The following CFH variants were observed in gnomAD, a reference collection of about 807,000 sequenced individuals.
CFH encodes H factor 1 (complement).
A neutral mutation model predicts 147.3 loss-of-function variants in CFH; 53 were observed. The ratio of observed to expected loss-of-function variants is 0.36; its 90% CI spans 0.29 to 0.45. The LOEUF (loss-of-function observed/expected upper bound fraction) is 0.45. Ranked by LOEUF, CFH falls within the 20% of genes least tolerant of loss-of-function variation. CFH has a pLI of 1.00. For missense variants in CFH, 1,380 were observed against 1,498.0 expected, an observed-to-expected ratio of 0.92 and a Z score of 1.30; for synonymous variants, 536 against 489.4, an observed-to-expected ratio of 1.10 and a Z score of -1.26.
chr1:196,676,170 A>AT, intron 4 of CFH, 105 bp downstream of exon 4: 2 of 695,226 alleles, frequency 2.9e-6, no homozygotes, highest in African/African-American at 1.8e-5. Context: ...TTTTTATTTA[A>AT]TGTTTTTTTT....
chr1:196,659,192 CGTTTGTT>C (rs1666824108), intron 1 of CFH, among the ~76,000 whole-genome samples: 1 of 152,140 alleles, frequency 6.6e-6, no homozygotes, highest in South Asian at 2.1e-4. Flanking sequence ...CCAAAATAAC[CGTTTGTT>C]GTCTACTTGA....
intron 5 of CFH, chr1:196,678,425 A>T (rs2149081288): frequency 6.6e-6 from 1 of 152,014 alleles, no homozygotes; most frequent in African/African-American, 2.4e-5. Flanking sequence ...GTTTGGCAGA[A>T]GTTTCTGGCA....
In CFH at chr1:196,679,697, C is replaced by A. The variant is rs755790570; in HGVS notation, c.694C>A (p.Arg232=). ...SQKIIYKENE[R]FQYKCNMGYE... is the part of the protein sequence containing the mutation. Reference sequence around the variant, plus strand: ...GAAGATTATTTATAAGGAGAATGAACGATTTCAATATAAATGTAACATGGG... The same window carrying A: ...GAAGATTATTTATAAGGAGAATGAAAGATTTCAATATAAATGTAACATGGG... Residue 232 remains arginine, a synonymous_variant, in exon 6 of 22, where the codon CGA becomes AGA. Coordinates refer to ENST00000367429, the MANE Select transcript of CFH (RefSeq NM_000186.4). 1.2e-6 allele frequency: 2 copies of A among 1,609,274 alleles called. No individual in the cohort carries two copies. Among genetic ancestry groups the A allele is most frequent in the East Asian group, 2.2e-5 (1 of 44,732 alleles).
chr1:196,660,235 G>C (rs1187918881), intron 1 of CFH, among the ~76,000 whole-genome samples: 2 of 152,044 alleles, frequency 1.3e-5, no homozygotes, highest in Non-Finnish European at 2.9e-5. Flanking sequence ...AAGGATCTAA[G>C]GAAAAAATAA....
chr1:196,700,609 G>A (rs148169147), intron 9 of CFH, among the ~76,000 whole-genome samples: 38 of 148,434 alleles, frequency 2.6e-4, no homozygotes, highest in African/African-American at 9.3e-4. Flanking sequence ...AGCCAAGATC[G>A]TGCCACTGCA....
chr1:196,673,815 T>C (rs1232240772), intron 2 of CFH, 42 bp from the exon 3 acceptor site: 11 of 1,186,004 alleles, frequency 9.3e-6, no homozygotes, highest in Non-Finnish European at 1.4e-5. Context: ...AATATATTCC[T>C]TGCTATTACA....
intron 5 of CFH, chr1:196,678,230 G>T (rs780370969): frequency 2.0e-4 from 31 of 154,900 alleles, no homozygotes; most frequent in Non-Finnish European, 3.9e-4. Flanking sequence ...GAATTGAACA[G>T]AATCCACTAA....
Position 196,695,746 on chromosome 1 carries a change from G to A in CFH, c.1336+5507G>A, listed in dbSNP as rs192053864. 2.1e-3 allele frequency among the ~76,000 whole-genome samples: 322 copies of A among 152,082 alleles called. 4 individuals carry two copies. Among genetic ancestry groups the A allele is most frequent in the African/African-American group, 7.2e-3 (298 of 41,510 alleles). ...CATCCCTTGTAAGTTGTATTTCTAC[G>A]TATTTTATTTTCTTTGTGGCAATTG... On this transcript the variant is annotated intron_variant, in intron 9 of 21. Coordinates refer to ENST00000367429, the MANE Select transcript of CFH (RefSeq NM_000186.4).
intron 14 of CFH, among the ~76,000 whole-genome samples, 180 bp downstream of exon 14, chr1:196,727,120 A>G (rs1201015105): frequency 1.3e-5 from 2 of 152,180 alleles, no homozygotes; most frequent in Non-Finnish European, 2.9e-5. Flanking sequence ...GAAAAAATAA[A>G]GCTAGTAATA....
In CFH at chr1:196,742,012, T is replaced by C. The variant is rs1558185005; in HGVS notation, c.3094T>C (p.Cys1032Arg). The part of the protein sequence containing the change: ...YKMDGASNVT[C>R]INSRWTGRPT... ...AATGGATGGAGCCAGTAATGTAACA[T>C]GCATTAATAGCAGATGGACAGGAAG... The change falls in exon 19 of 22, where the codon TGC (cysteine) becomes CGC (arginine). Residue 1032 changes from cysteine (C) to arginine (R), a missense_variant. Transcript: ENST00000367429. 1 of 1,614,188 alleles carries C rather than the reference T, an allele frequency of 6.2e-7. No homozygotes were observed. Among genetic ancestry groups the C allele is most frequent in the Non-Finnish European group, 8.5e-7 (1 of 1,180,030 alleles).
chr1:196,714,668 TAGAGAGAGAG>T (rs1205328020), intron 10 of CFH, among the ~76,000 whole-genome samples: 81 of 21,252 alleles, frequency 3.8e-3, no homozygotes, highest in Non-Finnish European at 4.0e-3. Context: ...TATATATATA[TAGAGAGAGAG>T]AGAGAGAGAG....
intron 17 of CFH, among the ~76,000 whole-genome samples, chr1:196,740,198 A>C (rs1298318107): frequency 6.6e-6 from 1 of 152,070 alleles, no homozygotes; most frequent in Non-Finnish European, 1.5e-5. Context: ...ACACAGCTAA[A>C]CCTGTTCTGC....
chr1:196,747,362 A>T lies in CFH; in HGVS notation c.*49A>T, dbSNP rs766666504. On this transcript the variant is annotated 3_prime_UTR_variant, in exon 22 of 22. Transcript: ENST00000367429. Reference sequence around the variant, plus strand: ...TTATTCAGAACTTTAGTATTAAATCAGTTCTCAATTTCATTTTTTATGTAT... The same window carrying T: ...TTATTCAGAACTTTAGTATTAAATCTGTTCTCAATTTCATTTTTTATGTAT... 1 of 1,611,388 alleles carries T rather than the reference A, an allele frequency of 6.2e-7. No individual in the cohort carries two copies. The highest frequency in any genetic ancestry group is 1.7e-5 in the Admixed American group (1 of 59,992).
At chr1:196,661,244 A>C (rs529703677) in intron 1 of CFH, among the ~76,000 whole-genome samples, 1 of 152,316 alleles carries the variant, frequency 6.6e-6, no homozygotes, top group Non-Finnish European at 1.5e-5. Flanking sequence ...TGCCCATAAA[A>C]ACTTTCACAT....
At chr1:196,663,165 A>G (rs540955788) in intron 1 of CFH, among the ~76,000 whole-genome samples, 1 of 151,986 alleles carries the variant, frequency 6.6e-6, no homozygotes, top group East Asian at 1.9e-4. Flanking sequence ...ATTCTTGGAT[A>G]TATTAATTGG....
At chr1:196,705,341 G>A (rs921377533) in intron 9 of CFH, among the ~76,000 whole-genome samples, 2 of 152,102 alleles carry the variant, frequency 1.3e-5, no homozygotes, top group African/African-American at 2.4e-5. Flanking sequence ...CTCTTGTCAG[G>A]GTGGCCAGAC....
In CFH at chr1:196,706,146, G is replaced by C. The variant is rs1037018747; in HGVS notation, c.1337-7589G>C. 2.0e-5 allele frequency among the ~76,000 whole-genome samples: 3 copies of C among 151,968 alleles called. No homozygotes were observed. The East Asian group carries it at 5.8e-4, about 29-fold the overall frequency. On this transcript the variant is annotated intron_variant, in intron 9 of 21. Transcript: ENST00000367429. ...TCATCGGCACAGAAGGCAGAACTTA[G>C]AGTCCTAATCAGGGCATCCCAACTA...
chr1:196,673,484 G>A (rs763252348), intron 2 of CFH: 3 of 380,182 alleles, frequency 7.9e-6, no homozygotes, highest in African/African-American at 2.1e-5. Flanking sequence ...CTATAGGCAC[G>A]TGCCACCACG....
chr1:196,731,835 G>T (rs537319619), intron 15 of CFH, among the ~76,000 whole-genome samples: 1 of 151,926 alleles, frequency 6.6e-6, no homozygotes, highest in African/African-American at 2.4e-5. Flanking sequence ...TGGCCTGCAA[G>T]GTTTCTGTTG....
Sources: gnomAD v4.1 joint callset for allele counts (sites outside exome capture counted in the v4.1 genomes callset) on GRCh38, gnomAD v4.1.1 for gene constraint, MANE v1.5 for transcripts, NCBI Gene and HGNC (gene_info 2026-07-23, HGNC 2026-07-21) for gene names.